KCNQ1OT1: variants seen among roughly 807,000 people sequenced by gnomAD.
KCNQ1OT1 encodes the protein KCNQ1 opposite strand/antisense transcript 1.
At chr11:2,633,759 T>C (rs1051752639) in exon 1 of KCNQ1OT1, 1 of 398,606 alleles carries the variant, frequency 2.5e-6, no homozygotes, top group Non-Finnish European at 4.4e-6. Flanking sequence ...CTAATTTGGT[T>C]ACCATTGTTT....
chr11:2,652,592 C>T lies in KCNQ1OT1; in HGVS notation n.47403G>A, dbSNP rs1849773600. 5.0e-6 allele frequency: 2 copies of T among 398,470 alleles called. No homozygotes were observed. Among genetic ancestry groups the T allele is most frequent in the Non-Finnish European group, 8.8e-6 (2 of 226,072 alleles). 24.7% of individuals were successfully genotyped at this position (398,470 alleles called of 1,614,324 possible). ...AAGTTTCCTAGGGCTGCTCTTGCTG[C>T]CTGGAACCTTCCCCTGAAAATGTGT... On this transcript the variant is annotated non_coding_transcript_exon_variant, in exon 1 of 1. Coordinates refer to ENST00000597346, the Ensembl canonical transcript of KCNQ1OT1. The surrounding 1 kb of genome is among the most constrained non-coding windows in gnomAD (Gnocchi z 5.9).
At chr11:2,618,706 T>C (rs1275219015) in exon 1 of KCNQ1OT1, 1 of 398,460 alleles carries the variant, frequency 2.5e-6, no homozygotes, top group Non-Finnish European at 4.4e-6. Flanking sequence ...AAATGAACTT[T>C]AGAATTTAAA....
chr11:2,615,700 A>G (rs1419191222), exon 1 of KCNQ1OT1: 8 of 397,960 alleles, frequency 2.0e-5, no homozygotes, highest in Admixed American at 4.4e-5. Context: ...ATACTCTTGT[A>G]CTGAACCACC....
chr11:2,663,719 G>A lies in KCNQ1OT1; in HGVS notation n.36276C>T, dbSNP rs1850011342. ...CTTACCAACTCTTGGGTCTTGCAAG[G>A]CCCCTGCAGGTGAAGGTGGTGAGAG... On this transcript the variant is annotated non_coding_transcript_exon_variant, in exon 1 of 1. Coordinates refer to ENST00000597346, the Ensembl canonical transcript of KCNQ1OT1. The surrounding 1 kb of genome is among the most constrained non-coding windows in gnomAD (Gnocchi z 5.2). 1 of 398,596 alleles carries A rather than the reference G, an allele frequency of 2.5e-6. No homozygotes were observed. The highest frequency in any genetic ancestry group is 4.4e-6 in the Non-Finnish European group (1 of 226,120). 24.7% of individuals were successfully genotyped at this position (398,596 alleles called of 1,614,324 possible).
At chr11:2,610,516 T>C in exon 1 of KCNQ1OT1, 1 of 398,442 alleles carries the variant, frequency 2.5e-6, no homozygotes, top group Non-Finnish European at 4.4e-6. Flanking sequence ...ACAGCTTTGC[T>C]CCTATTTACC....
At chr11:2,667,854 C>T (rs1564851792) in exon 1 of KCNQ1OT1, 3 of 398,530 alleles carry the variant, frequency 7.5e-6, no homozygotes, top group Non-Finnish European at 1.3e-5. Flanking sequence ...GGGTAATGTG[C>T]ATGCACACAG....
chr11:2,699,445 A>ACTGAGGAGCCGCCGGGAGAGTGCCGCG (rs1374460624), exon 1 of KCNQ1OT1: 3 of 402,280 alleles, frequency 7.5e-6, no homozygotes, highest in Non-Finnish European at 1.3e-5. Flanking sequence ...GGAGAACCGC[A>ACTGAGGAGCCGCCGGGAGAGTGCCGCG]CTGAGGAGCC....
chr11:2,648,877 G>T (rs1349281964), exon 1 of KCNQ1OT1: 1 of 398,014 alleles, frequency 2.5e-6, no homozygotes, highest in African/African-American at 2.1e-5. Flanking sequence ...TAATATACCT[G>T]GGTACTCCAG....
Position 2,691,510 on chromosome 11 carries a change from T to C in KCNQ1OT1, n.8485A>G. 1 of 397,982 alleles carries C rather than the reference T, an allele frequency of 2.5e-6. No individual in the cohort carries two copies. Among genetic ancestry groups the C allele is most frequent in the Non-Finnish European group, 4.4e-6 (1 of 226,062 alleles). 24.7% of individuals were successfully genotyped at this position (397,982 alleles called of 1,614,324 possible). On this transcript the variant is annotated non_coding_transcript_exon_variant, in exon 1 of 1. Transcript: ENST00000597346. This position sits in a 1 kb window ranked among gnomAD's most constrained non-coding sequence, Gnocchi z 6.4. ...GCCTATTCAAGGCCATTTTTCAGCT[T>C]GCTTGGCTTTGCATTAAAGTTGGGG... is the stretch of plus-strand genomic sequence containing the variant.
exon 1 of KCNQ1OT1, chr11:2,634,798 A>T (rs1165738705): frequency 6.6e-6 from 1 of 152,248 alleles, no homozygotes; most frequent in Non-Finnish European, 1.5e-5. Flanking sequence ...TCCCACCAAC[A>T]GTGTAAAAGC....
At chr11:2,694,032 C>T in exon 1 of KCNQ1OT1, 1 of 398,710 alleles carries the variant, frequency 2.5e-6, no homozygotes, top group Middle Eastern at 6.3e-4. Flanking sequence ...GCCACAGGTG[C>T]CCATGCCATA....
At chr11:2,699,281 A>G (rs903574012) in exon 1 of KCNQ1OT1, 4 of 398,790 alleles carry the variant, frequency 1.0e-5, no homozygotes, top group African/African-American at 8.2e-5. Context: ...GCCAGGCTGC[A>G]CTGCTGACGC....
chr11:2,634,030 T>A (rs921156519), exon 1 of KCNQ1OT1: 2 of 398,536 alleles, frequency 5.0e-6, no homozygotes, highest in African/African-American at 4.1e-5. Flanking sequence ...TGCCTCCAGC[T>A]TCATTCTGCC....
At chr11:2,694,338 GGGGACATAT>G (rs1196411139) in exon 1 of KCNQ1OT1, 2 of 398,570 alleles carry the variant, frequency 5.0e-6, no homozygotes, top group Non-Finnish European at 8.8e-6. Context: ...GTGCCCCCCA[GGGGACATAT>G]GGCAATGTCT....
chr11:2,654,609 A>G lies in KCNQ1OT1; in HGVS notation n.45386T>C, dbSNP rs1198342170. 2.5e-6 allele frequency: 1 copy of G among 398,734 alleles called. No homozygotes were observed. Among genetic ancestry groups the G allele is most frequent in the South Asian group, 1.3e-4 (1 of 7,864 alleles). The allele number at this position is 398,734 out of a possible 1,614,324, so 24.7% of individuals were successfully genotyped here. Reference sequence around the variant, plus strand: ...GGGCAGGGGGTGAGTGGTTGGGTGAAGTTACTAGGAAGGGCCCAGACACTG... The same window carrying G: ...GGGCAGGGGGTGAGTGGTTGGGTGAGGTTACTAGGAAGGGCCCAGACACTG... On this transcript the variant is annotated non_coding_transcript_exon_variant, in exon 1 of 1. Coordinates refer to ENST00000597346, the Ensembl canonical transcript of KCNQ1OT1. This position sits in a 1 kb window ranked among gnomAD's most constrained non-coding sequence, Gnocchi z 6.4.
rs1325049518 is a variant in KCNQ1OT1 at position 2,669,280 on chromosome 11, G to A, written n.30715C>T. 1 of 398,650 alleles carries A rather than the reference G, an allele frequency of 2.5e-6. No individual in the cohort carries two copies. Among genetic ancestry groups the A allele is most frequent in the Non-Finnish European group, 4.4e-6 (1 of 226,102 alleles). The allele number at this position is 398,650 out of a possible 1,614,324, so 24.7% of individuals were successfully genotyped here. Reference sequence around the variant, plus strand: ...ATCACTGGCTTTGCTGTCTTTGCAGGGTTTCTCCTCACCATACATATGCCA... The same window carrying A: ...ATCACTGGCTTTGCTGTCTTTGCAGAGTTTCTCCTCACCATACATATGCCA... On this transcript the variant is annotated non_coding_transcript_exon_variant, in exon 1 of 1. Transcript: ENST00000597346. The surrounding 1 kb of genome is among the most constrained non-coding windows in gnomAD (Gnocchi z 5.6).
exon 1 of KCNQ1OT1, chr11:2,644,153 G>T: frequency 5.0e-6 from 2 of 398,584 alleles, no homozygotes; most frequent in Non-Finnish European, 8.8e-6. Context: ...AGATTGGGAA[G>T]TGTTCAGGTA....
At position 2,653,273 on chromosome 11, in the gene KCNQ1OT1, A is replaced by G. The variant is rs995440397; in HGVS notation, n.46722T>C. ...CTTCTCCCTGCCCTCTGCCCTGAAAACTAGTGGGGGCAGTGCAGACCAGTT... is the reference window on the plus strand; with the variant it reads ...CTTCTCCCTGCCCTCTGCCCTGAAAGCTAGTGGGGGCAGTGCAGACCAGTT... On this transcript the variant is annotated non_coding_transcript_exon_variant, in exon 1 of 1. Coordinates refer to ENST00000597346, the Ensembl canonical transcript of KCNQ1OT1. This position sits in a 1 kb window ranked among gnomAD's most constrained non-coding sequence, Gnocchi z 5.3. The G allele has an allele frequency of 6.8e-5, 27 of 398,566 alleles. No individual in the cohort carries two copies. The highest frequency in any genetic ancestry group is 2.2e-5 in the Non-Finnish European group (5 of 226,134). 24.7% of individuals were successfully genotyped at this position (398,566 alleles called of 1,614,324 possible).
rs1461708609 is a variant in KCNQ1OT1 at position 2,611,720 on chromosome 11, A to C, written n.88275T>G. 5.0e-6 allele frequency: 2 copies of C among 398,378 alleles called. No individual in the cohort carries two copies. Among genetic ancestry groups the C allele is most frequent in the Non-Finnish European group, 8.8e-6 (2 of 226,038 alleles). The allele number at this position is 398,378 out of a possible 1,614,324, so 24.7% of individuals were successfully genotyped here. On this transcript the variant is annotated non_coding_transcript_exon_variant, in exon 1 of 1. Transcript: ENST00000597346. This position sits in a 1 kb window ranked among gnomAD's most constrained non-coding sequence, Gnocchi z 5.3. ...TCACTTATATGTAATATAATTATTG[A>C]TATGGAAGGATTTATATCTACCATG...
Sources: allele counts gnomAD v4.1 joint callset, GRCh38; gene constraint gnomAD v4.1.1; non-coding constraint Gnocchi (gnomAD v3.1); transcripts MANE v1.5; gene names NCBI Gene and HGNC (gene_info 2026-07-23, HGNC 2026-07-21).